Variants in ABCB9 observed in about 807,000 individuals in gnomAD.
The protein encoded by ABCB9 is ABC-type oligopeptide transporter ABCB9.
In ABCB9, 36 loss-of-function variants were observed where a neutral mutation model predicts 62.0. The observed-to-expected ratio is 0.58, with a 90% CI of 0.45 to 0.77. ABCB9 has a LOEUF of 0.77. ABCB9 is among the 30% of genes least tolerant of loss of function. ABCB9 has a pLI of 0.00. For synonymous variants in ABCB9, 435 were observed against 461.4 expected (o/e 0.94, Z 0.73); for missense variants, 943 against 1,054.7 (o/e 0.89, Z 1.47).
At chr12:122,969,432 C>T (rs1001638088), upstream of ABCB9, among the ~76,000 whole-genome samples, 2 of 152,222 alleles carry the variant, frequency 1.3e-5, no homozygotes, top group African/African-American at 4.8e-5. Flanking sequence ...ATGGTATGTA[C>T]AGTGTATCTC....
downstream of ABCB9, among the ~76,000 whole-genome samples, chr12:122,926,529 A>G (rs2135739301): frequency 6.6e-6 from 1 of 152,302 alleles, no homozygotes; most frequent in Non-Finnish European, 1.5e-5. Context: ...CCTGGATGAC[A>G]GAGAGAGATC....
chr12:122,966,056 T>TA (rs143513886), intron 1 of ABCB9, among the ~76,000 whole-genome samples: 1 of 151,936 alleles, frequency 6.6e-6, no homozygotes, highest in African/African-American at 2.4e-5. Context: ...CCTTGGGGGT[T>TA]AAAAAAAATG....
chr12:122,940,347 G>A lies in ABCB9; in HGVS notation c.1570-63C>T. On this transcript the variant is annotated intron_variant, in intron 8 of 11. Transcript: ENST00000280560. This position sits in a 1 kb window ranked among gnomAD's most constrained non-coding sequence, Gnocchi z 4.8. ...CTCAGGTCCCAGGACTGGATGCCCT[G>A]ACCTTGGACACAGGTGGGTGCCCTT... 1.3e-6 allele frequency: 2 copies of A among 1,505,822 alleles called. No homozygotes were observed. The highest frequency in any genetic ancestry group is 1.8e-6 in the Non-Finnish European group (2 of 1,125,740). 93.3% of individuals were successfully genotyped at this position (1,505,822 alleles called of 1,614,324 possible).
At chr12:122,949,060 G>A in intron 4 of ABCB9, 1 of 388,670 alleles carries the variant, frequency 2.6e-6, no homozygotes. Flanking sequence ...CAGCGGAGGA[G>A]GCTGGGGCTC....
chr12:122,923,408 T>A (rs1242193072), intron 11 of ABCB9, among the ~76,000 whole-genome samples: 1 of 152,164 alleles, frequency 6.6e-6, no homozygotes, highest in African/African-American at 2.4e-5. Flanking sequence ...CTGCTCAGCC[T>A]CCCGAGTAGC....
chr12:122,956,815 C>T (rs1217930949), intron 2 of ABCB9, among the ~76,000 whole-genome samples: 2 of 152,018 alleles, frequency 1.3e-5, no homozygotes, highest in Non-Finnish European at 1.5e-5. Flanking sequence ...CCACTGTGCC[C>T]GGCTAATATT....
rs756697048 is a variant in ABCB9, at chr12:122,940,835, C to T, written c.1541G>A (p.Arg514His). 75 of 1,602,736 alleles carry T rather than the reference C, an allele frequency of 4.7e-5. No individual in the cohort carries two copies. Among genetic ancestry groups the T allele is most frequent in the Non-Finnish European group, 5.9e-5 (69 of 1,172,200 alleles). The change falls in exon 8 of 12, where the codon CGC (arginine) becomes CAC (histidine). Residue 514 changes from arginine (R) to histidine (H), a missense_variant. Arg to His is a conservative substitution (Grantham distance 29). Coordinates refer to ENST00000280560, the MANE Select transcript of ABCB9 (RefSeq NM_019625.4). The surrounding 1 kb of genome is among the most constrained non-coding windows in gnomAD (Gnocchi z 4.8). ...VDFENVTFTY[R>H]TRPHTQVLQN... ...CAGGACCTGGGTGTGGGGCCGAGTG[C>T]GGTAGGTGAAGGTCACATTCTCAAA...
intron 2 of ABCB9, among the ~76,000 whole-genome samples, chr12:122,955,385 G>A: frequency 6.6e-6 from 1 of 152,212 alleles, no homozygotes; most frequent in Admixed American, 6.5e-5. Context: ...GGGTAAACAA[G>A]GTCATGGCAT....
chr12:122,957,623 C>A (rs1462505702), intron 2 of ABCB9, among the ~76,000 whole-genome samples: 1 of 151,700 alleles, frequency 6.6e-6, no homozygotes, highest in Non-Finnish European at 1.5e-5. Context: ...ACAAACCAGG[C>A]CACACCTGCA....
At chr12:122,921,191 G>A (rs996576626) in intron 11 of ABCB9, 2 of 729,688 alleles carry the variant, frequency 2.7e-6, no homozygotes, top group African/African-American at 3.5e-5. Flanking sequence ...GAGGCAGAAG[G>A]ATCGCTTGAA....
Position 122,959,870 on chromosome 12 carries a change from C to A in ABCB9, c.366G>T (p.Trp122Cys). The A allele has an allele frequency of 1.2e-6, 2 of 1,613,508 alleles. No individual in the cohort carries two copies. The highest frequency in any genetic ancestry group is 1.7e-6 in the Non-Finnish European group (2 of 1,179,882). The change falls in exon 2 of 12, where the codon TGG becomes TGT. Residue 122 changes from tryptophan to cysteine, a missense_variant. Trp to Cys is a radical substitution (Grantham distance 215). Coordinates refer to ENST00000280560, the MANE Select transcript of ABCB9 (RefSeq NM_019625.4). This position sits in a 1 kb window ranked among gnomAD's most constrained non-coding sequence, Gnocchi z 5.4. ...RDPWFWALFVWTYISLGASFL... is the reference protein window; with the variant it reads ...RDPWFWALFVCTYISLGASFL... ...AGGATGCGCCGAGTGAAATGTACGTCCACACGAACAGGGCCCAAAACCAGG... is the reference window on the plus strand; with the variant it reads ...AGGATGCGCCGAGTGAAATGTACGTACACACGAACAGGGCCCAAAACCAGG...
At chr12:122,968,869 C>T (rs190920269), upstream of ABCB9, among the ~76,000 whole-genome samples, 1 of 152,232 alleles carries the variant, frequency 6.6e-6, no homozygotes, top group Non-Finnish European at 1.5e-5. Flanking sequence ...CCCACCTTGG[C>T]CTCCCACGGT....
At chr12:122,936,206 A>G (rs1204919355) in intron 9 of ABCB9, among the ~76,000 whole-genome samples, 1 of 152,208 alleles carries the variant, frequency 6.6e-6, no homozygotes, top group Non-Finnish European at 1.5e-5. Flanking sequence ...TGTAATAGAT[A>G]CATATACACA....
intron 2 of ABCB9, among the ~76,000 whole-genome samples, chr12:122,958,621 T>C (rs2036734873): frequency 6.6e-6 from 1 of 152,100 alleles, no homozygotes; most frequent in African/African-American, 2.4e-5. Context: ...GGAGGATCAC[T>C]TGAGCCCAGG....
At chr12:122,950,839 G>T in intron 2 of ABCB9, 1 of 385,352 alleles carries the variant, frequency 2.6e-6, no homozygotes, top group Non-Finnish European at 4.8e-6. Context: ...GGCTCCTGCA[G>T]GATGCTTCAT....
At chr12:122,945,705 C>G (rs1263989370) in intron 6 of ABCB9, among the ~76,000 whole-genome samples, 2 of 151,984 alleles carry the variant, frequency 1.3e-5, no homozygotes, top group Non-Finnish European at 1.5e-5. Flanking sequence ...TAGTGAAACC[C>G]CGTCTCTACC....
At position 122,959,754 on chromosome 12, in the gene ABCB9, C is replaced by T. The variant is rs1174855448; in HGVS notation, c.482G>A (p.Ser161Asn). The T allele has an allele frequency of 6.2e-7, 1 of 1,611,806 alleles. No homozygotes were observed. The highest frequency in any genetic ancestry group is 1.3e-5 in the African/African-American group (1 of 75,012). ...AATEAEGFPG[S>N]GRPPPEQASG... ...CGCCTGCTCGGGCGGTGGCCGGCCG[C>T]TCCCAGGGAAGCCCTCAGCCTCGGT... Residue 161 changes from serine (S) to asparagine (N), a missense_variant, in exon 2 of 12, where the codon AGC (serine) becomes AAC (asparagine). Transcript: ENST00000280560. The surrounding 1 kb of genome is among the most constrained non-coding windows in gnomAD (Gnocchi z 5.4).
intron 2 of ABCB9, among the ~76,000 whole-genome samples, chr12:122,954,277 C>T (rs1455291574): frequency 6.6e-6 from 1 of 152,020 alleles, no homozygotes; most frequent in African/African-American, 2.4e-5. Context: ...GGTGCGATCT[C>T]CACTCACAGC....
chr12:122,949,791 T>A lies in ABCB9; in HGVS notation c.844A>T (p.Thr282Ser). ...QETSFFDENR[T>S]GDLISRLTSD... The stretch of plus-strand genomic sequence containing the variant: ...CTAGGGCACTGGAAGGACCAACCTG[T>A]GCGGTTCTCATCAAAGAAGCTTGTC... The change falls in exon 4 of 12, where the codon ACA becomes TCA. Residue 282 changes from threonine (T) to serine (S), a missense_variant. By Grantham distance (58) the Thr-to-Ser change is moderately conservative. Coordinates refer to ENST00000280560, the MANE Select transcript of ABCB9 (RefSeq NM_019625.4). The A allele has an allele frequency of 6.2e-7, 1 of 1,614,082 alleles. No homozygotes were observed. The highest frequency in any genetic ancestry group is 8.5e-7 in the Non-Finnish European group (1 of 1,179,958).
Sources: allele counts gnomAD v4.1 joint callset (sites outside exome capture counted in the v4.1 genomes callset), GRCh38; gene constraint gnomAD v4.1.1; non-coding constraint Gnocchi (gnomAD v3.1); transcripts MANE v1.5; gene names NCBI Gene and HGNC (gene_info 2026-07-23, HGNC 2026-07-21).